Variants in RAB21 observed in about 807,000 individuals in gnomAD.
RAB21 encodes the protein RAB21, member RAS oncogene family.
Under a neutral mutation model 33.1 loss-of-function variants are expected in RAB21, and 13 were observed. That is an observed-to-expected ratio of 0.39 (90% CI 0.26 to 0.62). The LOEUF (loss-of-function observed/expected upper bound fraction) is 0.62. Ranked by LOEUF, RAB21 falls within the 20% of genes least tolerant of loss-of-function variation. The pLI, the probability that RAB21 is intolerant of heterozygous loss-of-function variation, is 0.48. For synonymous variants in RAB21, 91 were observed against 103.7 expected (o/e 0.88, Z 0.74); for missense variants, 234 against 279.1 (o/e 0.84, Z 1.15).
chr12:71,775,911 A>AG (rs1161781362), intron 4 of RAB21, among the ~76,000 whole-genome samples: 1 of 152,152 alleles, frequency 6.6e-6, no homozygotes, highest in Non-Finnish European at 1.5e-5. Flanking sequence ...GTACCAGATC[A>AG]GGGGCAAGTC....
chr12:71,776,362 A>G (rs958383882), intron 4 of RAB21, among the ~76,000 whole-genome samples: 2 of 152,192 alleles, frequency 1.3e-5, no homozygotes, highest in Non-Finnish European at 2.9e-5. Flanking sequence ...AGTTGAAGGC[A>G]TAACATTAAA....
intron 1 of RAB21, among the ~76,000 whole-genome samples, chr12:71,764,844 A>C (rs960238473): frequency 1.3e-5 from 2 of 152,002 alleles, no homozygotes; most frequent in Non-Finnish European, 2.9e-5. Flanking sequence ...CATATTCTTT[A>C]TTCACTTGTT....
intron 4 of RAB21, among the ~76,000 whole-genome samples, chr12:71,781,224 C>CT (rs1356828188): frequency 1.3e-5 from 2 of 152,112 alleles, no homozygotes; most frequent in African/African-American, 2.4e-5. Flanking sequence ...AATCCTAGCA[C>CT]TTTGGGAGGC....
chr12:71,758,646 A>AT (rs1229127896), intron 1 of RAB21, among the ~76,000 whole-genome samples: 27 of 60,984 alleles, frequency 4.4e-4, no homozygotes, highest in Non-Finnish European at 7.2e-4. Context: ...ATGCTCGGCT[A>AT]ATTTTTTTTT....
chr12:71,767,847 T>C (rs972380992), intron 1 of RAB21, among the ~76,000 whole-genome samples: 2 of 152,216 alleles, frequency 1.3e-5, no homozygotes, highest in Non-Finnish European at 2.9e-5. Context: ...ATCCATTAAA[T>C]ATTCGGATAG....
rs183686795 is a variant in RAB21 at position 71,786,176 on chromosome 12, C to G, written c.*503C>G. On this transcript the variant is annotated 3_prime_UTR_variant, in exon 7 of 7. Coordinates refer to ENST00000261263, the MANE Select transcript of RAB21 (RefSeq NM_014999.4). Reference sequence around the variant, plus strand: ...TCGGCCTCCCAAAGTGCTGGGATTACAGGCGTGAGCCACCGTGCCCGGCCT... The same window carrying G: ...TCGGCCTCCCAAAGTGCTGGGATTAGAGGCGTGAGCCACCGTGCCCGGCCT... 1 of 153,180 alleles carries G rather than the reference C, an allele frequency of 6.5e-6. No homozygotes were observed. Among genetic ancestry groups the G allele is most frequent in the Admixed American group, 6.5e-5 (1 of 15,366 alleles). 9.5% of individuals were successfully genotyped at this position (153,180 alleles called of 1,614,324 possible).
In RAB21 at chr12:71,791,790, A is replaced by T. The variant is rs1174455812; in HGVS notation, c.*6117A>T. ...CCTTTGTAAATTTTCCATTCCCTGA[A>T]TGGAACTTCTACCCTATATCAAATT... On this transcript the variant is annotated 3_prime_UTR_variant, in exon 7 of 7. Coordinates refer to ENST00000261263, the MANE Select transcript of RAB21 (RefSeq NM_014999.4). The T allele has an allele frequency of 6.6e-6, 1 of 152,102 alleles. No individual in the cohort carries two copies. The highest frequency in any genetic ancestry group is 1.5e-5 in the Non-Finnish European group (1 of 68,014). 9.4% of individuals were successfully genotyped at this position (152,102 alleles called of 1,614,324 possible). A position where few individuals can be genotyped will look rare whatever the true frequency, so the allele number is the denominator to read the frequency against.
chr12:71,778,364 G>A (rs187887403), intron 4 of RAB21, among the ~76,000 whole-genome samples: 81 of 152,210 alleles, frequency 5.3e-4, no homozygotes, highest in African/African-American at 1.8e-3. Flanking sequence ...TGAGTGCCAG[G>A]CACTGTTTTA....
At chr12:71,778,428 A>G (rs1442602929) in intron 4 of RAB21, among the ~76,000 whole-genome samples, 2 of 152,158 alleles carry the variant, frequency 1.3e-5, no homozygotes, top group African/African-American at 2.4e-5. Context: ...GGGGAAGACC[A>G]TTTCATTTTA....
At chr12:71,784,790 T>G (rs1883258879) in intron 6 of RAB21, among the ~76,000 whole-genome samples, 1 of 152,118 alleles carries the variant, frequency 6.6e-6, no homozygotes, top group South Asian at 2.1e-4. Flanking sequence ...TAAACTCCAT[T>G]ATTCTTCAAA....
At chr12:71,781,955 T>C in intron 4 of RAB21, 76 bp from the exon 5 acceptor site, 1 of 1,155,342 alleles carries the variant, frequency 8.7e-7, no homozygotes, top group Non-Finnish European at 1.2e-6. Flanking sequence ...AATGGCAATT[T>C]TATATTTAGA....
chr12:71,781,188 G>A (rs951781489), intron 4 of RAB21, among the ~76,000 whole-genome samples: 8 of 152,000 alleles, frequency 5.3e-5, no homozygotes, highest in African/African-American at 1.7e-4. Context: ...CAGTTTTTCC[G>A]GCCGGGCGCG....
At chr12:71,782,272 C>A in intron 5 of RAB21, 187 bp downstream of exon 5, 1 of 579,412 alleles carries the variant, frequency 1.7e-6, no homozygotes, top group Non-Finnish European at 3.0e-6. Flanking sequence ...CCCTTTTTGA[C>A]TTCAGTGAAA....
intron 1 of RAB21, among the ~76,000 whole-genome samples, chr12:71,768,816 G>A (rs1305811807): frequency 6.6e-6 from 1 of 152,164 alleles, no homozygotes; most frequent in Non-Finnish European, 1.5e-5. Context: ...AAATGAGTTT[G>A]GGAAATGCTT....
At chr12:71,766,078 G>C (rs1882956366) in intron 1 of RAB21, among the ~76,000 whole-genome samples, 1 of 152,014 alleles carries the variant, frequency 6.6e-6, no homozygotes, top group Non-Finnish European at 1.5e-5. Flanking sequence ...TGCTTTACTA[G>C]TGCATCATAT....
chr12:71,793,423 A>AGTGTT lies in RAB21; in HGVS notation c.*7754_*7755insTGTGT, dbSNP rs1251086119. The AGTGTT allele has an allele frequency of 3.3e-5, 5 of 152,202 alleles. No homozygotes were observed. The highest frequency in any genetic ancestry group is 1.2e-4 in the African/African-American group (5 of 41,452). 9.4% of individuals were successfully genotyped at this position (152,202 alleles called of 1,614,324 possible). ...ATATGAATTTTCTAAACATCTTTTCAGTGTCTTTTAAGGATATTTTTGATA... is the reference window on the plus strand; with the variant it reads ...ATATGAATTTTCTAAACATCTTTTCAGTGTTGTGTCTTTTAAGGATATTTTTGATA... On this transcript the variant is annotated 3_prime_UTR_variant, in exon 7 of 7. Coordinates refer to ENST00000261263, the MANE Select transcript of RAB21 (RefSeq NM_014999.4).
In RAB21 at chr12:71,759,551, T is replaced by G. The variant is rs79448987; in HGVS notation, c.159+4263T>G. On this transcript the variant is annotated intron_variant, in intron 1 of 6. Transcript: ENST00000261263. ...CTCCTTCCCTTGAGTAAGAAACAGTTGTTAATGGAGTGCTATACATATTAA... is the reference window on the plus strand; with the variant it reads ...CTCCTTCCCTTGAGTAAGAAACAGTGGTTAATGGAGTGCTATACATATTAA... Among the ~76,000 whole-genome samples, 776 of 152,308 alleles carry G rather than the reference T, an allele frequency of 5.1e-3. 11 individuals carry two copies. Among genetic ancestry groups the G allele is most frequent in the African/African-American group, 0.018 (739 of 41,562 alleles).
intron 1 of RAB21, among the ~76,000 whole-genome samples, chr12:71,763,352 C>G (rs1354071805): frequency 6.6e-6 from 1 of 152,074 alleles, no homozygotes; most frequent in East Asian, 1.9e-4. Context: ...TAACAGAGAA[C>G]CAAAAAATTG....
At chr12:71,785,248 C>T (rs748159067) in intron 6 of RAB21, among the ~76,000 whole-genome samples, 5 of 152,254 alleles carry the variant, frequency 3.3e-5, no homozygotes, top group South Asian at 2.1e-4. Flanking sequence ...TATACTTGTA[C>T]GCAGGCAATT....
Sources: allele counts gnomAD v4.1 joint callset (sites outside exome capture counted in the v4.1 genomes callset), GRCh38; gene constraint gnomAD v4.1.1; transcripts MANE v1.5; gene names NCBI Gene and HGNC (gene_info 2026-07-23, HGNC 2026-07-21).